UNK: variants seen among roughly 807,000 people sequenced by gnomAD.
UNK encodes the protein unk zinc finger, also known as RING finger protein unkempt homolog.
UNK carries 32 observed loss-of-function variants against 97.6 expected under a neutral mutation model. The ratio of observed to expected loss-of-function variants is 0.33; its 90% CI spans 0.25 to 0.44. The LOEUF (loss-of-function observed/expected upper bound fraction) is 0.44. UNK is among the 20% of genes least tolerant of loss of function. The pLI is 1.00. For synonymous variants in UNK, 441 were observed against 461.2 expected, an observed-to-expected ratio of 0.96 and a Z score of 0.56; for missense variants, 771 against 1,098.4, an observed-to-expected ratio of 0.70 and a Z score of 4.21.
chr17:75,799,334 A>G (rs2061835660), intron 1 of UNK, among the ~76,000 whole-genome samples: 1 of 152,158 alleles, frequency 6.6e-6, no homozygotes, highest in East Asian at 1.9e-4. Context: ...TGGTCTCTGC[A>G]CATTCCCAGC....
chr17:75,818,595 C>T lies in UNK; in HGVS notation c.1372-47C>T, dbSNP rs559604085. Reference sequence around the variant, plus strand: ...CTCTCCAGCCTCTCGTCCTGGCCTCCGTATGCAGGCCTACCATTGCTTCTC... The same window carrying T: ...CTCTCCAGCCTCTCGTCCTGGCCTCTGTATGCAGGCCTACCATTGCTTCTC... On this transcript the variant is annotated intron_variant, in intron 10 of 15. Transcript: ENST00000589666. This position sits in a 1 kb window ranked among gnomAD's most constrained non-coding sequence, Gnocchi z 5.1. The T allele has an allele frequency of 9.1e-6, 14 of 1,540,654 alleles. No individual in the cohort carries two copies. Among genetic ancestry groups the T allele is most frequent in the South Asian group, 2.5e-5 (2 of 80,824 alleles).
intron 1 of UNK, among the ~76,000 whole-genome samples, chr17:75,791,360 A>G (rs1182892327): frequency 2.6e-5 from 4 of 152,212 alleles, no homozygotes; most frequent in African/African-American, 9.6e-5. Flanking sequence ...ACTTCACTTG[A>G]TTGCATCTGA....
intron 1 of UNK, 62 bp downstream of exon 1, chr17:75,785,046 TCA>T (rs1456664590): frequency 7.9e-6 from 9 of 1,143,910 alleles, no homozygotes; most frequent in African/African-American, 5.6e-5. Flanking sequence ...CCAGCGTGAG[TCA>T]CGCGCGCAGG....
At position 75,802,326 on chromosome 17, in the gene UNK, G is replaced by A. The variant is rs1047713571; in HGVS notation, c.105-7434G>A. Among the ~76,000 whole-genome samples the A allele has an allele frequency of 4.2e-4, 53 of 126,116 alleles. No homozygotes were observed. The Admixed American group carries it at 5.5e-3, about 13-fold the overall frequency. 82.7% of individuals were successfully genotyped at this position (126,116 alleles called of 152,430 possible). On this transcript the variant is annotated intron_variant, in intron 1 of 15. Transcript: ENST00000589666. ...CAGGCTGGCATGCAGTGGTGCAACCGTAGCTCACTGCAACCTCAAACTCTT... is the reference window on the plus strand; with the variant it reads ...CAGGCTGGCATGCAGTGGTGCAACCATAGCTCACTGCAACCTCAAACTCTT...
chr17:75,814,406 C>T (rs1283413589), intron 6 of UNK, among the ~76,000 whole-genome samples: 3 of 147,880 alleles, frequency 2.0e-5, no homozygotes, highest in African/African-American at 5.0e-5. Flanking sequence ...GTGGGAGGAT[C>T]GCTTGAACCC....
intron 13 of UNK, chr17:75,821,354 A>G (rs1421770364): frequency 2.0e-5 from 9 of 456,308 alleles, no homozygotes; most frequent in Admixed American, 1.2e-4. Context: ...CAGTGTGGGA[A>G]GCAGAGGTGC....
chr17:75,799,204 C>A (rs1015476007), intron 1 of UNK, among the ~76,000 whole-genome samples: 1 of 151,864 alleles, frequency 6.6e-6, no homozygotes, highest in African/African-American at 2.4e-5. Flanking sequence ...CCCAACTACT[C>A]GGGAGGCTGA....
intron 1 of UNK, among the ~76,000 whole-genome samples, chr17:75,799,281 G>T (rs562034756): frequency 2.6e-5 from 4 of 152,290 alleles, no homozygotes; most frequent in South Asian, 4.1e-4. Context: ...ACTTCAGCCT[G>T]GGTGACAGAA....
Position 75,824,418 on chromosome 17 carries a change from C to A in UNK, c.*1C>A. ...CCGGGCCCACACCCTCCAGTCGTGA[C>A]CCTGCAGGCCTGGCCCAGCCTGGCC... On this transcript the variant is annotated 3_prime_UTR_variant, in exon 16 of 16. Coordinates refer to ENST00000589666, the MANE Select transcript of UNK (RefSeq NM_001080419.3). The surrounding 1 kb of genome is among the most constrained non-coding windows in gnomAD (Gnocchi z 4.9). 6.6e-7 allele frequency: 1 copy of A among 1,508,884 alleles called. No homozygotes were observed. The allele number at this position is 1,508,884 out of a possible 1,614,324, so 93.5% of individuals were successfully genotyped here.
rs1359127738 is a variant in UNK at position 75,784,897 on chromosome 17, G to A, written c.17G>A (p.Gly6Glu). 7.0e-6 allele frequency: 11 copies of A among 1,581,262 alleles called. No homozygotes were observed. Among genetic ancestry groups the A allele is most frequent in the Admixed American group, 1.9e-5 (1 of 52,194 alleles). ...GACAAGACCATGTCGAAGGGCCCCG[G>A]GCCCGGCGGCTCCGCAGCTTCCTCG... MSKGP[G>E]PGGSAASSAP... is the part of the protein sequence containing the mutation. Residue 6 changes from glycine to glutamate, a missense_variant, in exon 1 of 16, where the codon GGG becomes GAG. This residue lies in a region of UNK where 34 missense variants were observed against 24.7 expected (regional missense o/e 1.37). Coordinates refer to ENST00000589666, the MANE Select transcript of UNK (RefSeq NM_001080419.3).
intron 2 of UNK, 133 bp from the exon 3 acceptor site, chr17:75,811,979 C>T (rs1166023756): frequency 5.7e-5 from 65 of 1,142,448 alleles, no homozygotes; most frequent in Non-Finnish European, 7.7e-5. Flanking sequence ...AGCAAGACTC[C>T]GTCTCAAAAA....
chr17:75,819,597 C>T lies in UNK; in HGVS notation c.1547-87C>T, dbSNP rs1040356956. ...GAATACGGACCCAGCGTAGCATGGG[C>T]GTGAAGATGCAGCGTGGGCAGTAGA... On this transcript the variant is annotated intron_variant, in intron 11 of 15. Transcript: ENST00000589666. This position sits in a 1 kb window ranked among gnomAD's most constrained non-coding sequence, Gnocchi z 5.4. 13 of 1,234,790 alleles carry T rather than the reference C, an allele frequency of 1.1e-5. No individual in the cohort carries two copies. Among genetic ancestry groups the T allele is most frequent in the African/African-American group, 1.5e-5 (1 of 67,548 alleles). 76.5% of individuals were successfully genotyped at this position (1,234,790 alleles called of 1,614,324 possible).
chr17:75,809,294 G>T (rs1247058737), intron 1 of UNK, among the ~76,000 whole-genome samples: 2 of 152,212 alleles, frequency 1.3e-5, no homozygotes, highest in African/African-American at 2.4e-5. Context: ...CTTATCTGTA[G>T]ATTTCTCCTC....
intron 1 of UNK, among the ~76,000 whole-genome samples, chr17:75,799,595 T>C (rs1173453838): frequency 6.6e-6 from 1 of 152,220 alleles, no homozygotes; most frequent in African/African-American, 2.4e-5. Context: ...TTCTTTTCAC[T>C]TCCCACATCT....
chr17:75,805,844 GTATAATATA>G (rs2061909382), intron 1 of UNK, among the ~76,000 whole-genome samples: 3 of 147,780 alleles, frequency 2.0e-5, no homozygotes, highest in Non-Finnish European at 1.5e-5. Context: ...GTGTGTGTGT[GTATAATATA>G]TATGTATGTA....
At chr17:75,805,624 T>G (rs1423668774) in intron 1 of UNK, among the ~76,000 whole-genome samples, 1 of 150,782 alleles carries the variant, frequency 6.6e-6, no homozygotes, top group Admixed American at 6.6e-5. Context: ...TAGCGAGATC[T>G]TATCTGTACT....
intron 1 of UNK, among the ~76,000 whole-genome samples, chr17:75,791,079 C>G (rs1430275457): frequency 6.6e-6 from 1 of 152,178 alleles, no homozygotes; most frequent in Non-Finnish European, 1.5e-5. Flanking sequence ...TGACTGCAGT[C>G]GGTTCTCAGA....
chr17:75,812,661 C>T, intron 4 of UNK, 76 bp downstream of exon 4: 1 of 1,544,638 alleles, frequency 6.5e-7, no homozygotes, highest in Non-Finnish European at 8.7e-7. Context: ...GGCTCACCAC[C>T]ACCTACTGCC....
At chr17:75,821,007 T>A (rs1431708940) in intron 13 of UNK, among the ~76,000 whole-genome samples, 1 of 151,618 alleles carries the variant, frequency 6.6e-6, no homozygotes, top group African/African-American at 2.4e-5. Context: ...CTTTAGGTGC[T>A]TGGTGTTGCA....
Sources: gnomAD v4.1 joint callset for allele counts (sites outside exome capture counted in the v4.1 genomes callset) on GRCh38, gnomAD v4.1.1 for gene constraint, gnomAD v4.1.1 regional missense constraint, Gnocchi (gnomAD v3.1) non-coding constraint, MANE v1.5 for transcripts, NCBI Gene and HGNC (gene_info 2026-07-23, HGNC 2026-07-21) for gene names.